The following RIN2 variants were observed in gnomAD, a reference collection of about 807,000 sequenced individuals.
RIN2 encodes the protein Ras and Rab interactor 2.
Under a neutral mutation model 78.0 loss-of-function variants are expected in RIN2, and 36 were observed. The observed-to-expected ratio is 0.46, with a 90% CI of 0.35 to 0.61. The LOEUF (loss-of-function observed/expected upper bound fraction) is 0.61. Among genes scored for constraint, RIN2 ranks in the 20% least tolerant of loss-of-function variants. The pLI is 0.00. For missense variants in RIN2, 1,087 were observed against 1,159.7 expected (o/e 0.94, Z 0.91); for synonymous variants, 466 against 466.8 (o/e 1.00, Z 0.02).
At chr20:19,935,570 G>A in intron 4 of RIN2, 1 of 1,012,610 alleles carries the variant, frequency 9.9e-7, no homozygotes, top group Non-Finnish European at 1.2e-6. Flanking sequence ...GCTTACAGGG[G>A]AGCAGCTAAA....
intron 2 of RIN2, among the ~76,000 whole-genome samples, chr20:19,852,984 T>C (rs1158267367): frequency 9.2e-5 from 14 of 151,530 alleles, no homozygotes; most frequent in Admixed American, 3.3e-4. Flanking sequence ...GCTGCACCCA[T>C]TAACTCGTCA....
chr20:19,765,052 G>A (rs891858417), intron 1 of RIN2, among the ~76,000 whole-genome samples: 10 of 149,608 alleles, frequency 6.7e-5, no homozygotes, highest in Non-Finnish European at 1.5e-4. Context: ...GTTTCACCAT[G>A]TTGGCCAGGC....
At chr20:19,926,771 T>C (rs1361317864) in intron 3 of RIN2, among the ~76,000 whole-genome samples, 1 of 152,202 alleles carries the variant, frequency 6.6e-6, no homozygotes, top group African/African-American at 2.4e-5. Context: ...CTTCAACATA[T>C]CAGCAACACA....
At chr20:19,936,579 C>T (rs540091909) in intron 4 of RIN2, among the ~76,000 whole-genome samples, 328 of 152,232 alleles carry the variant, frequency 2.2e-3, no homozygotes, top group Middle Eastern at 0.01. Context: ...AGACACAGAG[C>T]GGCGGAAACC....
At chr20:19,794,618 A>G (rs1228760340) in intron 1 of RIN2, among the ~76,000 whole-genome samples, 1 of 152,134 alleles carries the variant, frequency 6.6e-6, no homozygotes, top group Non-Finnish European at 1.5e-5. Context: ...TGATGCTATC[A>G]AAATATGTGG....
chr20:19,773,341 G>A (rs976873520), intron 1 of RIN2, among the ~76,000 whole-genome samples: 1 of 152,140 alleles, frequency 6.6e-6, no homozygotes, highest in African/African-American at 2.4e-5. Flanking sequence ...CTCTTTGTGG[G>A]GACACAATTC....
chr20:19,833,795 C>T (rs896990274), intron 2 of RIN2, among the ~76,000 whole-genome samples: 14 of 152,152 alleles, frequency 9.2e-5, no homozygotes, highest in South Asian at 4.1e-4. Context: ...GCCCACAGCC[C>T]GTGGCTGACT....
intron 3 of RIN2, among the ~76,000 whole-genome samples, chr20:19,917,775 G>A (rs1330620423): frequency 3.3e-5 from 5 of 151,940 alleles, no homozygotes; most frequent in South Asian, 2.1e-4. Flanking sequence ...TTTTAAAGGC[G>A]GAATCGCCTT....
chr20:19,779,993 T>G (rs1301637992), intron 1 of RIN2, among the ~76,000 whole-genome samples: 1 of 152,184 alleles, frequency 6.6e-6, no homozygotes, highest in Non-Finnish European at 1.5e-5. Flanking sequence ...TAGCACCTCA[T>G]TAACAGATAA....
chr20:19,913,892 G>A (rs926303922), intron 3 of RIN2, among the ~76,000 whole-genome samples: 1 of 152,150 alleles, frequency 6.6e-6, no homozygotes, highest in African/African-American at 2.4e-5. Context: ...TATGAATGTG[G>A]ATTAGAACCT....
chr20:19,831,733 G>A (rs563017727), intron 2 of RIN2, among the ~76,000 whole-genome samples: 4 of 152,172 alleles, frequency 2.6e-5, no homozygotes, highest in Non-Finnish European at 5.9e-5. Context: ...TATACAGTAA[G>A]TGTTCCAGGG....
At chr20:19,963,533 C>T (rs946340348) in intron 6 of RIN2, among the ~76,000 whole-genome samples, 3 of 150,936 alleles carry the variant, frequency 2.0e-5, no homozygotes, top group Admixed American at 6.6e-5. Context: ...CGCTTGAACC[C>T]GGGAGATGGA....
intron 2 of RIN2, among the ~76,000 whole-genome samples, chr20:19,839,035 T>C (rs2036503560): frequency 6.6e-6 from 1 of 152,054 alleles, no homozygotes; most frequent in Non-Finnish European, 1.5e-5. Context: ...AGCAGGACTG[T>C]TGGGTGAGAT....
intron 11 of RIN2, among the ~76,000 whole-genome samples, chr20:19,995,182 A>G (rs2042915286): frequency 6.6e-6 from 1 of 151,032 alleles, no homozygotes; most frequent in Admixed American, 6.6e-5. Flanking sequence ...CCTAAAGGTG[A>G]CACTTCTGCA....
intron 2 of RIN2, among the ~76,000 whole-genome samples, chr20:19,875,023 G>A (rs1286911605): frequency 6.6e-6 from 1 of 151,780 alleles, no homozygotes; most frequent in Non-Finnish European, 1.5e-5. Flanking sequence ...ACCATACCCA[G>A]CTAAGTTTTG....
intron 11 of RIN2, among the ~76,000 whole-genome samples, chr20:19,993,225 T>C (rs939895112): frequency 2.0e-5 from 3 of 151,872 alleles, no homozygotes; most frequent in Admixed American, 6.6e-5. Context: ...CATTTTTATA[T>C]ATCCAGATAA....
chr20:19,833,429 A>G (rs1467651108), intron 2 of RIN2, among the ~76,000 whole-genome samples: 1 of 152,090 alleles, frequency 6.6e-6, no homozygotes, highest in African/African-American at 2.4e-5. Context: ...ACTCCCCAAC[A>G]GGACCCGGTA....
chr20:19,849,690 A>G (rs1212253848), intron 2 of RIN2, among the ~76,000 whole-genome samples: 3 of 152,134 alleles, frequency 2.0e-5, no homozygotes, highest in Non-Finnish European at 4.4e-5. Flanking sequence ...AGTTTTATCA[A>G]TGTGGTGCTT....
chr20:19,989,639 A>G (rs1371345423), intron 9 of RIN2, among the ~76,000 whole-genome samples: 1 of 152,202 alleles, frequency 6.6e-6, no homozygotes, highest in Non-Finnish European at 1.5e-5. Flanking sequence ...TTAAGATAAC[A>G]TCTTTGCTCT....
Sources: gnomAD v4.1 joint callset for allele counts (sites outside exome capture counted in the v4.1 genomes callset) on GRCh38, gnomAD v4.1.1 for gene constraint, MANE v1.5 for transcripts, NCBI Gene and HGNC (gene_info 2026-07-23, HGNC 2026-07-21) for gene names.